FHIP1A: variants seen among roughly 807,000 people sequenced by gnomAD.
FHIP1A encodes FHF complex subunit HOOK interacting protein 1A.
FHIP1A carries 61 observed loss-of-function variants against 88.6 expected under a neutral mutation model. The ratio of observed to expected loss-of-function variants is 0.69; its 90% confidence interval spans 0.56 to 0.85. The LOEUF (loss-of-function observed/expected upper bound fraction) is 0.85. Among genes scored for constraint, FHIP1A ranks in the 40% least tolerant of loss-of-function variants. FHIP1A has a pLI of 0.00. For synonymous variants in FHIP1A, 478 were observed against 496.0 expected (o/e 0.96, Z 0.48); for missense variants, 1,154 against 1,273.5 (o/e 0.91, Z 1.43).
intron 1 of FHIP1A, among the ~76,000 whole-genome samples, chr4:151,421,552 C>T (rs1733165525): frequency 1.3e-5 from 2 of 152,164 alleles, no homozygotes; most frequent in African/African-American, 4.8e-5. Context: ...GAATGTAAAG[C>T]TTTGTGATAT....
chr4:151,483,023 A>G (rs751543283), intron 3 of FHIP1A, among the ~76,000 whole-genome samples: 3 of 152,030 alleles, frequency 2.0e-5, no homozygotes, highest in Non-Finnish European at 2.9e-5. Context: ...AAGGAAACCA[A>G]TTTTTCTTTT....
chr4:151,613,973 G>A (rs529811913), intron 7 of FHIP1A, among the ~76,000 whole-genome samples: 1 of 152,034 alleles, frequency 6.6e-6, no homozygotes, highest in Non-Finnish European at 1.5e-5. Flanking sequence ...GACCAGCCTG[G>A]CTAATATGGT....
At chr4:151,586,174 T>A (rs183256946) in intron 5 of FHIP1A, among the ~76,000 whole-genome samples, 1 of 152,286 alleles carries the variant, frequency 6.6e-6, no homozygotes. Context: ...TGTATGTGAC[T>A]TTCTGTCCTG....
chr4:151,624,639 G>T (rs543694566), intron 7 of FHIP1A, among the ~76,000 whole-genome samples: 5 of 152,100 alleles, frequency 3.3e-5, no homozygotes, highest in Non-Finnish European at 4.4e-5. Flanking sequence ...CTCAAAATAC[G>T]TTACTGAAAT....
In FHIP1A at chr4:151,664,156, A is replaced by C. The variant is rs1737577221; in HGVS notation, c.*1402A>C. Among the ~76,000 whole-genome samples, 1 of 152,176 alleles carries C rather than the reference A, an allele frequency of 6.6e-6. No homozygotes were observed. The highest frequency in any genetic ancestry group is 2.1e-4 in the South Asian group (1 of 4,824). ...CTTGAGCCTGCCTGTTTGGAAGGAA[A>C]TTGGAAGGTTTGTCTCTCTCTGTTC... is the stretch of plus-strand genomic sequence containing the variant. On this transcript the variant is annotated 3_prime_UTR_variant, in exon 14 of 14. Transcript: ENST00000435205.
At chr4:151,497,318 AG>A (rs1165614577) in intron 3 of FHIP1A, among the ~76,000 whole-genome samples, 3 of 152,196 alleles carry the variant, frequency 2.0e-5, no homozygotes, top group Non-Finnish European at 4.4e-5. Flanking sequence ...TTATTCGAAG[AG>A]TGGGAATTAG....
intron 3 of FHIP1A, among the ~76,000 whole-genome samples, chr4:151,563,444 A>G (rs1301705972): frequency 1.3e-5 from 2 of 152,180 alleles, no homozygotes; most frequent in African/African-American, 2.4e-5. Context: ...TACGGGAAGA[A>G]CAGACTGGAT....
intron 6 of FHIP1A, among the ~76,000 whole-genome samples, chr4:151,587,599 T>G (rs1899549): frequency 0.32 from 48,085 of 151,264 alleles, 7,669 homozygotes; most frequent in Non-Finnish European, 0.33. Flanking sequence ...CATGTGTCAT[T>G]TTGGTGTGCT....
At chr4:151,639,870 T>C (rs2126892957) in intron 9 of FHIP1A, among the ~76,000 whole-genome samples, 1 of 152,216 alleles carries the variant, frequency 6.6e-6, no homozygotes. Flanking sequence ...ATTTGACCAG[T>C]CCTGGGGAAT....
chr4:151,485,441 T>G (rs984122272), intron 3 of FHIP1A, among the ~76,000 whole-genome samples: 1 of 152,226 alleles, frequency 6.6e-6, no homozygotes, highest in African/African-American at 2.4e-5. Context: ...ACTGAACTGA[T>G]GTACTCAGAG....
At position 151,588,910 on chromosome 4, in the gene FHIP1A, C is replaced by G. The variant is rs1262268297; in HGVS notation, c.962C>G (p.Ala321Gly). Residue 321 changes from alanine to glycine, a missense_variant, in exon 7 of 14, where the codon GCT becomes GGT. By Grantham distance (60) the Ala-to-Gly change is moderately conservative. Transcript: ENST00000435205. ...IYNGFLVPVL[A>G]PALHKVTVEE... ...AATGGATTTTTGGTACCAGTCTTGG[C>G]TCCTGCTCTCCATAAGGTCAGTGAT... is the stretch of plus-strand genomic sequence containing the variant. The G allele has an allele frequency of 6.5e-7, 1 of 1,547,990 alleles. No homozygotes were observed. The highest frequency in any genetic ancestry group is 2.4e-5 in the East Asian group (1 of 40,890).
In FHIP1A at chr4:151,452,486, G is replaced by A. The variant is rs528633856; in HGVS notation, c.-355-2215G>A. ...CACACCTGTAATTCCAGCACTTTGGGAGGCTGAGGTGGGCGGATCAGTTGA... is the reference window on the plus strand; with the variant it reads ...CACACCTGTAATTCCAGCACTTTGGAAGGCTGAGGTGGGCGGATCAGTTGA... On this transcript the variant is annotated intron_variant, in intron 1 of 13. Transcript: ENST00000435205. Among the ~76,000 whole-genome samples the A allele has an allele frequency of 2.6e-5, 4 of 152,308 alleles. No individual in the cohort carries two copies. In the South Asian group the frequency reaches 8.3e-4, roughly 32 times the overall value.
intron 5 of FHIP1A, among the ~76,000 whole-genome samples, chr4:151,584,403 G>A (rs1018934658): frequency 4.6e-5 from 7 of 152,292 alleles, no homozygotes; most frequent in African/African-American, 1.7e-4. Flanking sequence ...AAGGGGAAAA[G>A]GAAGGCAACA....
chr4:151,506,725 C>T (rs934143021), intron 3 of FHIP1A, among the ~76,000 whole-genome samples: 1 of 152,142 alleles, frequency 6.6e-6, no homozygotes, highest in African/African-American at 2.4e-5. Context: ...ATCCAAGCAT[C>T]CCCCACCAGG....
At chr4:151,424,358 C>T (rs1466961024) in intron 1 of FHIP1A, among the ~76,000 whole-genome samples, 2 of 152,196 alleles carry the variant, frequency 1.3e-5, no homozygotes, top group East Asian at 3.9e-4. Flanking sequence ...AGGAGGAGTG[C>T]TGGATGGCAA....
At chr4:151,571,469 G>T (rs944240605) in intron 4 of FHIP1A, among the ~76,000 whole-genome samples, 1 of 152,110 alleles carries the variant, frequency 6.6e-6, no homozygotes, top group East Asian at 1.9e-4. Context: ...CATCTAGATT[G>T]GTTAATTAAG....
chr4:151,450,744 G>A (rs138542747), intron 1 of FHIP1A, among the ~76,000 whole-genome samples: 1 of 151,812 alleles, frequency 6.6e-6, no homozygotes, highest in African/African-American at 2.4e-5. Flanking sequence ...ATGTTTCAGT[G>A]GTGTTTTGAT....
At chr4:151,469,291 G>A (rs577029143) in intron 2 of FHIP1A, among the ~76,000 whole-genome samples, 1 of 152,282 alleles carries the variant, frequency 6.6e-6, no homozygotes, top group East Asian at 1.9e-4. Context: ...TTCTATACTT[G>A]TGCAATCTTG....
chr4:151,640,586 G>A (rs1194658036), intron 9 of FHIP1A, among the ~76,000 whole-genome samples: 3 of 152,132 alleles, frequency 2.0e-5, no homozygotes, highest in African/African-American at 7.2e-5. Context: ...AAAAAACCAG[G>A]CTTTTACTCC....
Sources: allele counts gnomAD v4.1 joint callset (sites outside exome capture counted in the v4.1 genomes callset), GRCh38; gene constraint gnomAD v4.1.1; transcripts MANE v1.5; gene names NCBI Gene and HGNC (gene_info 2026-07-23, HGNC 2026-07-21).